TEX15: variants seen among roughly 807,000 people sequenced by gnomAD.
The protein encoded by TEX15 is testis expressed 15, meiosis and synapsis associated.
Under a neutral mutation model 237.3 loss-of-function variants are expected in TEX15, and 171 were observed. That is an observed-to-expected ratio of 0.72 (90% CI 0.64 to 0.82). The LOEUF (loss-of-function observed/expected upper bound fraction) is 0.82, where lower values mean the gene tolerates loss of function less well. Ranked by LOEUF, TEX15 falls within the 40% of genes least tolerant of loss-of-function variation. The pLI is 0.00. For synonymous variants in TEX15, 1,338 were observed against 1,269.8 expected, an observed-to-expected ratio of 1.05 and a Z score of -1.14; for missense variants, 3,750 against 3,646.5, an observed-to-expected ratio of 1.03 and a Z score of -0.73.
rs767234919 is a variant in TEX15 at position 30,847,622 on chromosome 8, T to C, written c.2545A>G (p.Ile849Val). The part of the protein sequence containing the change: ...LFCNSQLSND[I>V]WLNVNFKKQT... The stretch of plus-strand genomic sequence containing the variant: ...TTTTTGAAATTAACATTCAGCCATA[T>C]ATCATTGCTTAACTGTGAATTACAG... Residue 849 changes from isoleucine to valine, a missense_variant, in exon 8 of 11, where the codon ATA (isoleucine) becomes GTA (valine). By Grantham distance (29) the Ile-to-Val change is conservative. Transcript: ENST00000643185. 4.3e-6 allele frequency: 7 copies of C among 1,613,584 alleles called. No individual in the cohort carries two copies. In the East Asian group the frequency reaches 1.1e-4, roughly 26 times the overall value.
intron 4 of TEX15, among the ~76,000 whole-genome samples, chr8:30,870,142 A>T (rs1191227674): frequency 2.0e-5 from 3 of 151,956 alleles, no homozygotes; most frequent in Non-Finnish European, 4.4e-5. Context: ...AATTTTGGTC[A>T]TTACTTTTTA....
Position 30,865,049 on chromosome 8 carries a change from T to TA in TEX15, c.540+2215dup, listed in dbSNP as rs778281440. Among the ~76,000 whole-genome samples, 11 of 152,042 alleles carry TA rather than the reference T, an allele frequency of 7.2e-5. No homozygotes were observed. In the East Asian group the frequency reaches 1.5e-3, roughly 21 times the overall value. On this transcript the variant is annotated intron_variant, in intron 5 of 10. Coordinates refer to ENST00000643185, the MANE Select transcript of TEX15 (RefSeq NM_001350162.2). The stretch of plus-strand genomic sequence containing the variant: ...CAACCACAAAGGAAGACTTTGTTTT[T>TA]AAAAAAACAAAATATACAAACTGTT...
At chr8:30,859,868 G>GA in intron 6 of TEX15, 43 bp downstream of exon 6, 1 of 1,321,034 alleles carries the variant, frequency 7.6e-7, no homozygotes, top group Non-Finnish European at 9.7e-7. Context: ...CATACAATGT[G>GA]AAACATGTAC....
intron 3 of TEX15, among the ~76,000 whole-genome samples, chr8:30,877,562 AATT>A (rs1808426450): frequency 1.3e-5 from 2 of 152,128 alleles, no homozygotes; most frequent in African/African-American, 2.4e-5. Context: ...TATTTGTAAT[AATT>A]ATTACAAATT....
At chr8:30,877,570 C>T (rs1808426592) in intron 3 of TEX15, among the ~76,000 whole-genome samples, 1 of 152,134 alleles carries the variant, frequency 6.6e-6, no homozygotes, top group African/African-American at 2.4e-5. Context: ...ATAATTATTA[C>T]AAATTTTGAT....
At chr8:30,857,419 T>C (rs563175348) in intron 7 of TEX15, among the ~76,000 whole-genome samples, 1 of 152,198 alleles carries the variant, frequency 6.6e-6, no homozygotes, top group South Asian at 2.1e-4. Context: ...TAAAAAGACA[T>C]ATCTGACATT....
At chr8:30,852,895 G>A (rs534910435) in intron 7 of TEX15, among the ~76,000 whole-genome samples, 1 of 152,270 alleles carries the variant, frequency 6.6e-6, no homozygotes, top group African/African-American at 2.4e-5. Flanking sequence ...GCACTGAAAT[G>A]TGCCTGGTGT....
rs373669567 is a variant in TEX15 at position 30,845,140 on chromosome 8, C to A, written c.5027G>T (p.Cys1676Phe). ...CCACTTTACTTCCAGGTTTCTTTTA[C>A]AATCAGATAAAATAAGGTTACCTTG... is the stretch of plus-strand genomic sequence containing the variant. ...YQQGNLILSD[C>F]KRNLEVKWTD... Residue 1676 changes from cysteine (C) to phenylalanine (F), a missense_variant, in exon 8 of 11, where the codon TGT becomes TTT. Transcript: ENST00000643185. 3.1e-6 allele frequency: 5 copies of A among 1,613,404 alleles called. No individual in the cohort carries two copies. Among genetic ancestry groups the A allele is most frequent in the African/African-American group, 1.3e-5 (1 of 75,014 alleles).
At position 30,848,531 on chromosome 8, in the gene TEX15, T is replaced by C; in HGVS notation, c.1636A>G (p.Asn546Asp). The change falls in exon 8 of 11, where the codon AAT becomes GAT. Residue 546 changes from asparagine (N) to aspartate (D), a missense_variant. Physicochemically the swap from Asn to Asp is conservative, Grantham distance 23 (BLOSUM62 1). Transcript: ENST00000643185. ...GNFSFPISVS[N>D]VVSEVENQNH... ...TGGTTCTCAACCTCTGACACTACAT[T>C]TGACACAGAAATTGGGAAGGAAAAA... 2 of 1,614,148 alleles carry C rather than the reference T, an allele frequency of 1.2e-6. No homozygotes were observed. Among genetic ancestry groups the C allele is most frequent in the Non-Finnish European group, 1.7e-6 (2 of 1,180,022 alleles).
At position 30,887,226 on chromosome 8, in the gene TEX15, C is replaced by A. The variant is rs753722416; in HGVS notation, c.77G>T (p.Arg26Leu). ...SSTSKPVLNT[R>L]EVNPLKKFTI... ...GAATTTCTTCAAAGGATTGACTTCA[C>A]GAGTATTCAACACGGGTTTGCTAGT... The change falls in exon 3 of 11, where the codon CGT becomes CTT. Residue 26 changes from arginine to leucine, a missense_variant. By Grantham distance (102) the Arg-to-Leu change is moderately radical. Transcript: ENST00000643185. 9 of 1,535,742 alleles carry A rather than the reference C, an allele frequency of 5.9e-6. No individual in the cohort carries two copies. Among genetic ancestry groups the A allele is most frequent in the African/African-American group, 1.4e-5 (1 of 73,022 alleles).
Position 30,848,051 on chromosome 8 carries a change from G to A in TEX15, c.2116C>T (p.His706Tyr), listed in dbSNP as rs758584904. ...STIKDKDELDHLALEWQITPS... is the reference protein window; with the variant it reads ...STIKDKDELDYLALEWQITPS... ...GTAATTTGCCATTCCAATGCTAGAT[G>A]ATCTAGTTCATCCTTATCCTTTATG... Residue 706 changes from histidine (H) to tyrosine (Y), a missense_variant, in exon 8 of 11, where the codon CAT (histidine) becomes TAT (tyrosine). Transcript: ENST00000643185. 1 of 1,613,756 alleles carries A rather than the reference G, an allele frequency of 6.2e-7. No homozygotes were observed. The highest frequency in any genetic ancestry group is 1.1e-5 in the South Asian group (1 of 91,066).
chr8:30,880,647 T>C (rs980019542), intron 3 of TEX15, among the ~76,000 whole-genome samples: 7 of 152,256 alleles, frequency 4.6e-5, no homozygotes, highest in Non-Finnish European at 1.0e-4. Context: ...TGTAAAAGCA[T>C]AGTAGCATAT....
chr8:30,837,858 C>G lies in TEX15; in HGVS notation c.8426G>C (p.Ser2809Thr). ...IDLTVSSDHF[S>T]GQQENLNSMK... is the part of the protein sequence containing the mutation. ...GCTATTTAAATTTTCCTGTTGTCCA[C>G]TGAAGTGATCAGATGAAACAGTTAA... The change falls in exon 10 of 11, where the codon AGT becomes ACT. Residue 2809 changes from serine (S) to threonine (T), a missense_variant. Physicochemically the swap from Ser to Thr is moderately conservative, Grantham distance 58 (BLOSUM62 1). Coordinates refer to ENST00000643185, the MANE Select transcript of TEX15 (RefSeq NM_001350162.2). 6.2e-7 allele frequency: 1 copy of G among 1,614,140 alleles called. No homozygotes were observed. The highest frequency in any genetic ancestry group is 8.5e-7 in the Non-Finnish European group (1 of 1,180,018).
chr8:30,883,798 C>T (rs2128775304), intron 3 of TEX15, among the ~76,000 whole-genome samples: 1 of 152,254 alleles, frequency 6.6e-6, no homozygotes, highest in South Asian at 2.1e-4. Context: ...GTAAATATTA[C>T]CGCAATAAAC....
rs1422219137 is a variant in TEX15 at position 30,844,130 on chromosome 8, A to G, written c.6037T>C (p.Leu2013=). Residue 2013 remains leucine (L), a synonymous_variant, in exon 8 of 11, where the codon TTG becomes CTG. Coordinates refer to ENST00000643185, the MANE Select transcript of TEX15 (RefSeq NM_001350162.2). ...ILQRADEASS[L]QILQEETKVC... is the part of the protein sequence containing the mutation. Reference sequence around the variant, plus strand: ...TTAGTTTCTTCCTGTAGAATCTGCAAAGATGATGCTTCATCTGCCCTCTGC... The same window carrying G: ...TTAGTTTCTTCCTGTAGAATCTGCAGAGATGATGCTTCATCTGCCCTCTGC... 2 of 1,613,402 alleles carry G rather than the reference A, an allele frequency of 1.2e-6. No homozygotes were observed. The highest frequency in any genetic ancestry group is 1.7e-6 in the Non-Finnish European group (2 of 1,179,570).
chr8:30,896,887 A>C (rs1189520969), intron 2 of TEX15, among the ~76,000 whole-genome samples: 1 of 152,144 alleles, frequency 6.6e-6, no homozygotes, highest in East Asian at 1.9e-4. Flanking sequence ...ACTGAAAGCA[A>C]TTTTTTCCCC....
intron 4 of TEX15, among the ~76,000 whole-genome samples, chr8:30,870,777 C>G (rs977536847): frequency 3.3e-5 from 5 of 151,994 alleles, no homozygotes; most frequent in Non-Finnish European, 5.9e-5. Flanking sequence ...GTTTCCTTTG[C>G]TGTTATAACA....
chr8:30,881,616 A>ATTTTTTT (rs199820564), intron 3 of TEX15, among the ~76,000 whole-genome samples: 1 of 86,904 alleles, frequency 1.2e-5, no homozygotes, highest in Non-Finnish European at 2.0e-5. Context: ...TTGACTTTTT[A>ATTTTTTT]TTTTTTTTTA....
At chr8:30,873,435 T>C (rs1180716069) in intron 4 of TEX15, among the ~76,000 whole-genome samples, 21 of 152,156 alleles carry the variant, frequency 1.4e-4, no homozygotes, top group Admixed American at 1.4e-3. Flanking sequence ...GGCACTCTAA[T>C]ATGCTGAGTT....
Sources: allele counts gnomAD v4.1 joint callset (sites outside exome capture counted in the v4.1 genomes callset), GRCh38; gene constraint gnomAD v4.1.1; transcripts MANE v1.5; gene names NCBI Gene and HGNC (gene_info 2026-07-23, HGNC 2026-07-21).